The following MICU2 variants were observed in gnomAD, a reference collection of about 807,000 sequenced individuals.
MICU2 encodes mitochondrial calcium uptake 2, also known as calcium uptake protein 2, mitochondrial.
A neutral mutation model predicts 60.4 loss-of-function variants in MICU2; 64 were observed. That is an observed-to-expected ratio of 1.06 (90% CI 0.87 to 1.31). MICU2 has a LOEUF of 1.31. MICU2 is among the 50% of genes most tolerant of loss of function. The pLI, the probability that MICU2 is intolerant of heterozygous loss-of-function variation, is 0.00. For synonymous variants in MICU2, 201 were observed against 175.0 expected (o/e 1.15, Z -1.17); for missense variants, 569 against 531.0 (o/e 1.07, Z -0.70).
At chr13:21,537,469 CTTTTTT>C (rs60479087) in intron 4 of MICU2, among the ~76,000 whole-genome samples, 1 of 124,066 alleles carries the variant, frequency 8.1e-6, no homozygotes, top group Non-Finnish European at 1.7e-5. Context: ...TTCTTTCTTT[CTTTTTT>C]TTTTTTTTTT....
chr13:21,592,952 A>G (rs1888614666), intron 1 of MICU2, among the ~76,000 whole-genome samples: 1 of 152,214 alleles, frequency 6.6e-6, no homozygotes, highest in Non-Finnish European at 1.5e-5. Context: ...TTTGAAAACC[A>G]GTACAAGACG....
chr13:21,578,644 T>A, intron 1 of MICU2, among the ~76,000 whole-genome samples: 1 of 152,008 alleles, frequency 6.6e-6, no homozygotes, highest in East Asian at 1.9e-4. Context: ...CAAAAGTGGG[T>A]TATGCTGATG....
chr13:21,497,845 T>C (rs1052129059), intron 9 of MICU2, among the ~76,000 whole-genome samples: 1 of 152,114 alleles, frequency 6.6e-6, no homozygotes, highest in Non-Finnish European at 1.5e-5. Flanking sequence ...AAATTCTGGG[T>C]TCAAGCTATC....
At chr13:21,580,762 C>A (rs964766295) in intron 1 of MICU2, among the ~76,000 whole-genome samples, 2 of 151,978 alleles carry the variant, frequency 1.3e-5, no homozygotes, top group Non-Finnish European at 2.9e-5. Flanking sequence ...AATAATATTC[C>A]TGAAATTATG....
chr13:21,511,822 T>G (rs1566142485), intron 7 of MICU2, among the ~76,000 whole-genome samples: 1 of 152,236 alleles, frequency 6.6e-6, no homozygotes, highest in East Asian at 1.9e-4. Context: ...CATTTTTTTT[T>G]TTTTCCCAGC....
intron 4 of MICU2, among the ~76,000 whole-genome samples, chr13:21,532,746 C>T (rs1887031637): frequency 6.6e-6 from 1 of 152,122 alleles, no homozygotes; most frequent in African/African-American, 2.4e-5. Context: ...TACAAAATGT[C>T]CTCATTGAAT....
intron 2 of MICU2, among the ~76,000 whole-genome samples, chr13:21,541,625 G>C (rs1327432669): frequency 6.6e-6 from 1 of 151,966 alleles, no homozygotes; most frequent in Non-Finnish European, 1.5e-5. Context: ...AAAACAAATT[G>C]GCAAGAGGAA....
chr13:21,587,700 C>CCATT (rs1357498264), intron 1 of MICU2, among the ~76,000 whole-genome samples: 3 of 152,174 alleles, frequency 2.0e-5, no homozygotes, highest in Non-Finnish European at 4.4e-5. Flanking sequence ...GACACTCTTA[C>CCATT]CATTCATTCA....
intron 4 of MICU2, among the ~76,000 whole-genome samples, chr13:21,528,590 T>C (rs946388804): frequency 2.0e-5 from 3 of 152,198 alleles, no homozygotes; most frequent in Admixed American, 1.3e-4. Context: ...TAATAAACAA[T>C]TCTACTGTTC....
At chr13:21,505,562 C>CT (rs2138141346) in intron 8 of MICU2, among the ~76,000 whole-genome samples, 1 of 152,126 alleles carries the variant, frequency 6.6e-6, no homozygotes, top group South Asian at 2.1e-4. Context: ...GCTGGAAAAT[C>CT]TTTTTGATTA....
chr13:21,494,288 CTCCT>C (rs1244703982), intron 11 of MICU2, among the ~76,000 whole-genome samples: 2 of 152,054 alleles, frequency 1.3e-5, no homozygotes, highest in Non-Finnish European at 2.9e-5. Flanking sequence ...CTCTCTCTCT[CTCCT>C]TCCTTTTTTC....
chr13:21,501,963 G>C (rs1886182374), intron 9 of MICU2, among the ~76,000 whole-genome samples: 1 of 152,138 alleles, frequency 6.6e-6, no homozygotes, highest in Non-Finnish European at 1.5e-5. Context: ...GTCAGACAGG[G>C]GGATTTCAGG....
chr13:21,599,621 T>A (rs1888770709), intron 1 of MICU2, among the ~76,000 whole-genome samples: 1 of 152,170 alleles, frequency 6.6e-6, no homozygotes, highest in African/African-American at 2.4e-5. Flanking sequence ...CAATTCAGAG[T>A]CTTTACGAAT....
chr13:21,539,548 T>C lies in MICU2; in HGVS notation c.390+109A>G, dbSNP rs1194071416. 7 of 1,443,936 alleles carry C rather than the reference T, an allele frequency of 4.8e-6. No homozygotes were observed. The East Asian group carries it at 9.1e-5, about 19-fold the overall frequency. 89.4% of individuals were successfully genotyped at this position (1,443,936 alleles called of 1,614,324 possible). A position where few individuals can be genotyped will look rare whatever the true frequency, so the allele number is the denominator to read the frequency against. The stretch of plus-strand genomic sequence containing the variant: ...CTCCTGACCTCGTGATCCGCCCACC[T>C]TGGCCTCCCAAAGTGCTGGGATTAC... On this transcript the variant is annotated intron_variant, in intron 3 of 11. Transcript: ENST00000382374.
intron 1 of MICU2, among the ~76,000 whole-genome samples, chr13:21,587,752 G>A (rs1888490222): frequency 6.6e-6 from 1 of 152,182 alleles, no homozygotes; most frequent in South Asian, 2.1e-4. Flanking sequence ...TACCTATGAT[G>A]AACTAGGGAC....
At chr13:21,505,499 G>C (rs1439050233) in intron 8 of MICU2, among the ~76,000 whole-genome samples, 1 of 152,164 alleles carries the variant, frequency 6.6e-6, no homozygotes, top group African/African-American at 2.4e-5. Flanking sequence ...AATTCTGGGA[G>C]ACAGAATTAA....
At chr13:21,514,052 C>T (rs568965642) in intron 7 of MICU2, among the ~76,000 whole-genome samples, 27 of 152,222 alleles carry the variant, frequency 1.8e-4, no homozygotes, top group African/African-American at 6.0e-4. Context: ...ATTTAAAATA[C>T]AGTCATGTAT....
chr13:21,600,931 G>A (rs1341540200), intron 1 of MICU2, among the ~76,000 whole-genome samples: 1 of 152,094 alleles, frequency 6.6e-6, no homozygotes, highest in African/African-American at 2.4e-5. Flanking sequence ...CGAGTGGCTG[G>A]GACTACAGGC....
chr13:21,539,637 C>G lies in MICU2; in HGVS notation c.390+20G>C. Reference sequence around the variant, plus strand: ...TATCTTACCAAAAACAAACCCTGCCCCCCACAACATGATGCTTACCTTTTT... The same window carrying G: ...TATCTTACCAAAAACAAACCCTGCCGCCCACAACATGATGCTTACCTTTTT... On this transcript the variant is annotated intron_variant, in intron 3 of 11. Coordinates refer to ENST00000382374, the MANE Select transcript of MICU2 (RefSeq NM_152726.3). The G allele has an allele frequency of 6.2e-7, 1 of 1,614,024 alleles. No homozygotes were observed. The highest frequency in any genetic ancestry group is 8.5e-7 in the Non-Finnish European group (1 of 1,179,938).
Sources: gnomAD v4.1 joint callset for allele counts (sites outside exome capture counted in the v4.1 genomes callset) on GRCh38, gnomAD v4.1.1 for gene constraint, MANE v1.5 for transcripts, NCBI Gene and HGNC (gene_info 2026-07-23, HGNC 2026-07-21) for gene names.